GALNT13: variants seen among roughly 807,000 people sequenced by gnomAD.
GALNT13 encodes polypeptide N-acetylgalactosaminyltransferase 13, also known as UDP-GalNAc:polypeptide N-acetylgalactosaminyltransferase 13.
A neutral mutation model predicts 64.2 loss-of-function variants in GALNT13; 28 were observed. That is an observed-to-expected ratio of 0.44 (90% CI 0.32 to 0.60). GALNT13 has a LOEUF of 0.60. Among genes scored for constraint, GALNT13 ranks in the 20% least tolerant of loss-of-function variants. The pLI is 0.05. For synonymous variants in GALNT13, 214 were observed against 224.6 expected, an observed-to-expected ratio of 0.95 and a Z score of 0.42; for missense variants, 577 against 669.8, an observed-to-expected ratio of 0.86 and a Z score of 1.53.
intron 4 of GALNT13, among the ~76,000 whole-genome samples, chr2:154,208,622 G>GTC (rs1373309550): frequency 3.8e-5 from 4 of 106,412 alleles, no homozygotes; most frequent in African/African-American, 1.2e-4. Context: ...CGTTTTGCGT[G>GTC]TCTGTGTGTG....
chr2:154,215,396 AAC>A (rs1687988647), intron 4 of GALNT13, among the ~76,000 whole-genome samples: 1 of 152,130 alleles, frequency 6.6e-6, no homozygotes, highest in Non-Finnish European at 1.5e-5. Context: ...CCTTGGGATA[AAC>A]ACAGTGCCTC....
At chr2:153,622,357 A>C in the GALNT13 span, among the ~76,000 whole-genome samples, 3 of 152,178 alleles carry the variant, frequency 2.0e-5, no homozygotes, top group Non-Finnish European at 4.4e-5. Flanking sequence ...ACTACGAGGC[A>C]AGAATAAGGT....
intron 3 of GALNT13, among the ~76,000 whole-genome samples, chr2:154,125,280 CTTTTGGTAG>C (rs1682192642): frequency 2.0e-5 from 3 of 152,010 alleles, no homozygotes; most frequent in African/African-American, 7.2e-5. Context: ...AAAATGAAAA[CTTTTGGTAG>C]GTGAGGTAGA....
At chr2:154,414,827 A>C (rs1420340276) in intron 11 of GALNT13, among the ~76,000 whole-genome samples, 1 of 151,940 alleles carries the variant, frequency 6.6e-6, no homozygotes, top group East Asian at 1.9e-4. Context: ...TTATATATTA[A>C]AACCAATGTT....
At chr2:153,126,294 T>TTATATATATA in the GALNT13 span, among the ~76,000 whole-genome samples, 10 of 50,952 alleles carry the variant, frequency 2.0e-4, no homozygotes, top group South Asian at 2.2e-3. Context: ...AGTATTGATT[T>TTATATATATA]TGTATATATA....
At chr2:153,069,244 A>C in the GALNT13 span, among the ~76,000 whole-genome samples, 1 of 152,140 alleles carries the variant, frequency 6.6e-6, no homozygotes, top group South Asian at 2.1e-4. Flanking sequence ...CCTTCTAGAA[A>C]GGTTTTGTCA....
chr2:153,497,050 C>T, the GALNT13 span, among the ~76,000 whole-genome samples: 1 of 147,792 alleles, frequency 6.8e-6, no homozygotes, highest in East Asian at 2.0e-4. Flanking sequence ...CTCATTAAGA[C>T]ATAATAGGTA....
chr2:153,853,528 A>G, the GALNT13 span, among the ~76,000 whole-genome samples: 1 of 152,144 alleles, frequency 6.6e-6, no homozygotes, highest in South Asian at 2.1e-4. Context: ...CTAGCTAGAA[A>G]TAGAGATGAT....
the GALNT13 span, among the ~76,000 whole-genome samples, chr2:153,320,067 A>T: frequency 3.9e-5 from 6 of 152,052 alleles, no homozygotes; most frequent in Non-Finnish European, 8.8e-5. Flanking sequence ...ACTGGGTTGC[A>T]CTCTTCATCA....
the GALNT13 span, among the ~76,000 whole-genome samples, chr2:153,569,684 TACAA>T: frequency 1.3e-5 from 2 of 152,190 alleles, no homozygotes; most frequent in South Asian, 2.1e-4. Flanking sequence ...TCCTTTGAGT[TACAA>T]ACAATGTAAT....
the GALNT13 span, among the ~76,000 whole-genome samples, chr2:153,228,406 A>G: frequency 6.6e-6 from 1 of 152,186 alleles, no homozygotes; most frequent in African/African-American, 2.4e-5. Flanking sequence ...TTAATGAACC[A>G]ATATATTACA....
At chr2:154,093,024 A>G (rs1479309053) in intron 3 of GALNT13, among the ~76,000 whole-genome samples, 1 of 152,032 alleles carries the variant, frequency 6.6e-6, no homozygotes, top group East Asian at 1.9e-4. Context: ...GAAAAAATTT[A>G]AAATATAAAT....
chr2:154,072,775 C>T (rs547942161), intron 3 of GALNT13, among the ~76,000 whole-genome samples: 1 of 152,068 alleles, frequency 6.6e-6, no homozygotes, highest in Admixed American at 6.6e-5. Flanking sequence ...GATCTGCTAC[C>T]AAGTTTGCTA....
chr2:153,378,259 GATAGATAGA>G, the GALNT13 span, among the ~76,000 whole-genome samples: 3 of 1,914 alleles, frequency 1.6e-3, no homozygotes, highest in Non-Finnish European at 3.2e-3. Context: ...GAACATTATA[GATAGATAGA>G]TAGATAGATA....
At chr2:153,993,150 A>G (rs1047017881) in intron 3 of GALNT13, among the ~76,000 whole-genome samples, 3 of 152,136 alleles carry the variant, frequency 2.0e-5, no homozygotes, top group African/African-American at 7.2e-5. Context: ...AAGTCAATTT[A>G]TAAATCACAG....
At chr2:154,394,026 C>T (rs1698933052) in intron 9 of GALNT13, among the ~76,000 whole-genome samples, 1 of 116,612 alleles carries the variant, frequency 8.6e-6, no homozygotes, top group Non-Finnish European at 1.6e-5. Context: ...TGCAGTGAGC[C>T]GAGATTGCGC....
At chr2:153,141,156 G>T in the GALNT13 span, among the ~76,000 whole-genome samples, 1 of 127,930 alleles carries the variant, frequency 7.8e-6, no homozygotes, top group Middle Eastern at 3.7e-3. Context: ...ACCTGGAAGA[G>T]CATAATGTTT....
At chr2:153,616,825 G>A in the GALNT13 span, among the ~76,000 whole-genome samples, 1 of 151,956 alleles carries the variant, frequency 6.6e-6, no homozygotes, top group South Asian at 2.1e-4. Context: ...TTTTCTTGTG[G>A]AGTCTTTAGA....
chr2:153,145,643 A>G, the GALNT13 span, among the ~76,000 whole-genome samples: 3 of 151,882 alleles, frequency 2.0e-5, no homozygotes, highest in African/African-American at 7.2e-5. Context: ...ATTAGGTCCA[A>G]GTCCAACCAG....
Sources: allele counts gnomAD v4.1 joint callset (sites outside exome capture counted in the v4.1 genomes callset), GRCh38; gene constraint gnomAD v4.1.1; transcripts MANE v1.5; gene names NCBI Gene and HGNC (gene_info 2026-07-23, HGNC 2026-07-21).